The following NHLH2 variants were observed in gnomAD, a reference collection of about 807,000 sequenced individuals.
NHLH2 encodes nescient helix-loop-helix 2.
Under a neutral mutation model 7.3 loss-of-function variants are expected in NHLH2, and 7 were observed. The observed-to-expected ratio is 0.96, with a 90% CI of 0.55 to 1.81. NHLH2 has a LOEUF of 1.81. Among genes scored for constraint, NHLH2 ranks in the 40% most tolerant of loss-of-function variants. NHLH2 has a pLI of 0.00. For synonymous variants in NHLH2, 93 were observed against 91.6 expected (o/e 1.01, Z -0.09); for missense variants, 155 against 194.0 (o/e 0.80, Z 1.19).
At chr1:115,834,191 T>C (rs555863030), downstream of NHLH2, among the ~76,000 whole-genome samples, 3 of 152,200 alleles carry the variant, frequency 2.0e-5, no homozygotes, top group Non-Finnish European at 4.4e-5. Context: ...TTTTGCCCAA[T>C]ACTTTTACCC....
downstream of NHLH2, among the ~76,000 whole-genome samples, chr1:115,833,513 T>C (rs1557827996): frequency 6.6e-6 from 1 of 152,124 alleles, no homozygotes; most frequent in Non-Finnish European, 1.5e-5. Context: ...CAGCTACCCC[T>C]CTATCAAAGG....
In NHLH2 at chr1:115,838,596, G is replaced by A. The variant is rs1405873477; in HGVS notation, c.-8-216C>T. On this transcript the variant is annotated intron_variant, in intron 2 of 2. Transcript: ENST00000320238. ...CCCTGGCGCGGGAGCCGGCGGGGAC[G>A]CGGTTGACCCAGGCCGCATACTAGA... The A allele has an allele frequency of 6.1e-6, 3 of 491,910 alleles. No homozygotes were observed. The East Asian group carries it at 1.2e-4, about 19-fold the overall frequency. The allele number at this position is 491,910 out of a possible 1,614,324, so 30.5% of individuals were successfully genotyped here. A position where few individuals can be genotyped will look rare whatever the true frequency, so the allele number is the denominator to read the frequency against.
chr1:115,838,414 G>T (rs370817758), intron 2 of NHLH2, 34 bp from the exon 3 acceptor site: 21 of 1,600,200 alleles, frequency 1.3e-5, no homozygotes, highest in Admixed American at 1.7e-5. Context: ...TCAGTAAAAG[G>T]AATCAGGGTA....
In NHLH2 at chr1:115,837,637, C is replaced by CA. The variant is rs1650914650; in HGVS notation, c.*327dup. 2.7e-5 allele frequency: 9 copies of CA among 328,698 alleles called. No individual in the cohort carries two copies. The South Asian group carries it at 3.2e-4, about 12-fold the overall frequency. 20.4% of individuals were successfully genotyped at this position (328,698 alleles called of 1,614,324 possible). ...TGTGGCGGATGAATGTAGGAGAACTCAAAGTCTCCAGTGGGTTAAAACCAC... is the reference window on the plus strand; with the variant it reads ...TGTGGCGGATGAATGTAGGAGAACTCAAAAGTCTCCAGTGGGTTAAAACCAC... On this transcript the variant is annotated 3_prime_UTR_variant, in exon 3 of 3. Coordinates refer to ENST00000320238, the MANE Select transcript of NHLH2 (RefSeq NM_005599.3).
At position 115,838,351 on chromosome 1, in the gene NHLH2, C is replaced by A; in HGVS notation, c.22G>T (p.Ala8Ser). ...GAGCTGGGATGGTCCGAATCTGCTGCTTGGTCCGGACTCAGCATCATTTTG... is the reference window on the plus strand; with the variant it reads ...GAGCTGGGATGGTCCGAATCTGCTGATTGGTCCGGACTCAGCATCATTTTG... MMLSPDQ[A>S]ADSDHPSSAH... The change falls in exon 3 of 3, where the codon GCA becomes TCA. Residue 8 changes from alanine to serine, a missense_variant. Physicochemically the swap from Ala to Ser is moderately conservative, Grantham distance 99. Around this residue, in one of 2 missense-constraint regions of NHLH2, gnomAD observed 91 missense variants for 86.6 expected, o/e 1.05. Coordinates refer to ENST00000320238, the MANE Select transcript of NHLH2 (RefSeq NM_005599.3). 6.2e-7 allele frequency: 1 copy of A among 1,609,354 alleles called. No individual in the cohort carries two copies. The highest frequency in any genetic ancestry group is 1.3e-5 in the African/African-American group (1 of 74,682).
downstream of NHLH2, among the ~76,000 whole-genome samples, chr1:115,831,685 TA>T (rs775104532): frequency 8.6e-4 from 27 of 31,310 alleles, no homozygotes; most frequent in African/African-American, 2.0e-3. Context: ...TTGAAAGGCC[TA>T]GGGGGGGGCG....
downstream of NHLH2, among the ~76,000 whole-genome samples, chr1:115,833,117 T>A (rs1382017452): frequency 6.6e-6 from 1 of 152,186 alleles, no homozygotes; most frequent in African/African-American, 2.4e-5. Flanking sequence ...GCACGCTAAT[T>A]TTTAAAGATA....
chr1:115,838,276 C>G lies in NHLH2; in HGVS notation c.97G>C (p.Gly33Arg), dbSNP rs769079807. The change falls in exon 3 of 3, where the codon GGC becomes CGC. Residue 33 changes from glycine to arginine, a missense_variant. Physicochemically the swap from Gly to Arg is moderately radical, Grantham distance 125. Coordinates refer to ENST00000320238, the MANE Select transcript of NHLH2 (RefSeq NM_005599.3). The part of the protein sequence containing the change: ...SLGGTDTKVL[G>R]SVSDLEPVEE... ...ACCGGCTCCAGGTCCGACACGCTGC[C>G]GAGCACCTTGGTGTCCGTGCCGCCC... 1 of 1,604,298 alleles carries G rather than the reference C, an allele frequency of 6.2e-7. No individual in the cohort carries two copies. The highest frequency in any genetic ancestry group is 1.7e-5 in the Admixed American group (1 of 59,420).
rs1291051684 is a variant in NHLH2, at chr1:115,837,055, T to TA, written c.*909dup. ...AAAAGTGTAAACACTTGACTATAAA[T>TA]AAATTGGCACAGAGTATCCAAAGTA... On this transcript the variant is annotated 3_prime_UTR_variant, in exon 3 of 3. Coordinates refer to ENST00000320238, the MANE Select transcript of NHLH2 (RefSeq NM_005599.3). The TA allele has an allele frequency of 6.6e-6, 1 of 152,338 alleles. No individual in the cohort carries two copies. Among genetic ancestry groups the TA allele is most frequent in the African/African-American group, 2.4e-5 (1 of 41,396 alleles). The allele number at this position is 152,338 out of a possible 1,614,324, so 9.4% of individuals were successfully genotyped here.
In NHLH2 at chr1:115,836,750, A is replaced by G. The variant is rs186095437; in HGVS notation, c.*1215T>C. The G allele has an allele frequency of 1.3e-5, 2 of 152,334 alleles. No homozygotes were observed. The highest frequency in any genetic ancestry group is 1.3e-4 in the Admixed American group (2 of 15,296). 9.4% of individuals were successfully genotyped at this position (152,334 alleles called of 1,614,324 possible). On this transcript the variant is annotated 3_prime_UTR_variant, in exon 3 of 3. Coordinates refer to ENST00000320238, the MANE Select transcript of NHLH2 (RefSeq NM_005599.3). ...CGCACAAACATCACACACACAAAGA[A>G]GCTACTCTCCTTATAAACAGCTTGT...
rs995122428 is a variant in NHLH2, at chr1:115,837,841, C to A, written c.*124G>T. On this transcript the variant is annotated 3_prime_UTR_variant, in exon 3 of 3. Transcript: ENST00000320238. Reference sequence around the variant, plus strand: ...ACAGGTAGCGAGCTTCTTCCCCGGCCGTCTCTCGAGGCGGCCGTCTCGCTG... The same window carrying A: ...ACAGGTAGCGAGCTTCTTCCCCGGCAGTCTCTCGAGGCGGCCGTCTCGCTG... 2.1e-5 allele frequency: 22 copies of A among 1,037,520 alleles called. No individual in the cohort carries two copies. The highest frequency in any genetic ancestry group is 3.0e-5 in the Non-Finnish European group (22 of 739,130). The allele number at this position is 1,037,520 out of a possible 1,614,324, so 64.3% of individuals were successfully genotyped here. A position where few individuals can be genotyped will look rare whatever the true frequency, so the allele number is the denominator to read the frequency against.
At chr1:115,832,024 A>G (rs1351696448), downstream of NHLH2, among the ~76,000 whole-genome samples, 1 of 152,134 alleles carries the variant, frequency 6.6e-6, no homozygotes, top group East Asian at 1.9e-4. Flanking sequence ...CCTCTGCCTG[A>G]CCTATCATGG....
rs1351032127 is a variant in NHLH2, at chr1:115,840,489, GA to G, written c.-283del. ...CAAACATTGCAAGAAATTCGTTGAT[GA>G]TTTTTTTAAACGATGTGTTGAAAAG... On this transcript the variant is annotated 5_prime_UTR_variant, in exon 2 of 3. Coordinates refer to ENST00000320238, the MANE Select transcript of NHLH2 (RefSeq NM_005599.3). 1.2e-5 allele frequency: 2 copies of G among 166,900 alleles called. No homozygotes were observed. Among genetic ancestry groups the G allele is most frequent in the Non-Finnish European group, 1.5e-5 (1 of 68,114 alleles). 10.3% of individuals were successfully genotyped at this position (166,900 alleles called of 1,614,324 possible). A position where few individuals can be genotyped will look rare whatever the true frequency, so the allele number is the denominator to read the frequency against.
Position 115,838,192 on chromosome 1 carries a change from G to T in NHLH2, c.181C>A (p.Gln61Lys). The stretch of plus-strand genomic sequence containing the variant: ...CGCTTCTCCTCGCGGCTCAGCTGCT[G>T]CGGGTGCGGGTAGAGCGCGGCTCGG... ...GSRAALYPHP[Q>K]QLSREEKRRR... is the part of the protein sequence containing the mutation. Residue 61 changes from glutamine (Q) to lysine (K), a missense_variant, in exon 3 of 3, where the codon CAG (glutamine) becomes AAG (lysine). Coordinates refer to ENST00000320238, the MANE Select transcript of NHLH2 (RefSeq NM_005599.3). 2 of 1,569,580 alleles carry T rather than the reference G, an allele frequency of 1.3e-6. No individual in the cohort carries two copies. The highest frequency in any genetic ancestry group is 1.7e-6 in the Non-Finnish European group (2 of 1,159,114).
At chr1:115,831,379 C>G (rs1284518994), downstream of NHLH2, among the ~76,000 whole-genome samples, 2 of 152,186 alleles carry the variant, frequency 1.3e-5, no homozygotes, top group South Asian at 2.1e-4. Context: ...TCCTGTCTTT[C>G]TCACTACCCC....
chr1:115,838,544 G>A lies in NHLH2; in HGVS notation c.-8-164C>T, dbSNP rs1426766832. The A allele has an allele frequency of 1.2e-5, 8 of 677,184 alleles. No individual in the cohort carries two copies. In the East Asian group the frequency reaches 2.7e-4, roughly 23 times the overall value. 41.9% of individuals were successfully genotyped at this position (677,184 alleles called of 1,614,324 possible). A position where few individuals can be genotyped will look rare whatever the true frequency, so the allele number is the denominator to read the frequency against. ...CGCGGGAGGGCGCCGATAGGATCTG[G>A]CCCGAGGGCGCGAGCCCTGCGCCTC... On this transcript the variant is annotated intron_variant, in intron 2 of 2. Transcript: ENST00000320238.
downstream of NHLH2, among the ~76,000 whole-genome samples, chr1:115,834,190 A>G (rs1268938252): frequency 6.6e-6 from 1 of 152,108 alleles, no homozygotes; most frequent in Non-Finnish European, 1.5e-5. Flanking sequence ...GTTTTGCCCA[A>G]TACTTTTACC....
chr1:115,832,343 T>C (rs1384879817), downstream of NHLH2, among the ~76,000 whole-genome samples: 2 of 152,186 alleles, frequency 1.3e-5, no homozygotes, highest in Non-Finnish European at 2.9e-5. Context: ...TAGTAATGTA[T>C]CATATGCAGA....
downstream of NHLH2, among the ~76,000 whole-genome samples, chr1:115,835,385 T>C (rs1160457849): frequency 1.3e-5 from 2 of 152,216 alleles, no homozygotes; most frequent in African/African-American, 2.4e-5. Flanking sequence ...TGAGAAGGCC[T>C]ACAGGCACTC....
Sources: gnomAD v4.1 joint callset for allele counts (sites outside exome capture counted in the v4.1 genomes callset) on GRCh38, gnomAD v4.1.1 for gene constraint, gnomAD v4.1.1 regional missense constraint, MANE v1.5 for transcripts, NCBI Gene and HGNC (gene_info 2026-07-23, HGNC 2026-07-21) for gene names.